The following RAB2A variants were observed in gnomAD, a reference collection of about 807,000 sequenced individuals.
The protein encoded by RAB2A is ras-related protein Rab-2A.
In RAB2A, 7 loss-of-function variants were observed where a neutral mutation model predicts 32.5. The observed-to-expected ratio is 0.22, with a 90% CI of 0.12 to 0.40. The LOEUF is 0.40. Ranked by LOEUF, RAB2A falls within the 10% of genes least tolerant of loss-of-function variation. The pLI is 1.00. For missense variants in RAB2A, 108 were observed against 260.7 expected, an observed-to-expected ratio of 0.41 and a Z score of 4.03; for synonymous variants, 79 against 85.2, an observed-to-expected ratio of 0.93 and a Z score of 0.40.
At chr8:60,529,602 C>A (rs1045209557) in intron 1 of RAB2A, among the ~76,000 whole-genome samples, 1 of 152,082 alleles carries the variant, frequency 6.6e-6, no homozygotes, top group Non-Finnish European at 1.5e-5. Flanking sequence ...ATATTTGGTT[C>A]ATACTTGCTT....
intron 2 of RAB2A, among the ~76,000 whole-genome samples, chr8:60,571,146 A>G (rs1808192005): frequency 6.6e-6 from 1 of 152,216 alleles, no homozygotes; most frequent in Non-Finnish European, 1.5e-5. Context: ...AAGATGATAA[A>G]TACAAGTTAA....
intron 1 of RAB2A, among the ~76,000 whole-genome samples, chr8:60,537,362 G>C (rs1390873877): frequency 6.6e-6 from 1 of 152,064 alleles, no homozygotes; most frequent in Non-Finnish European, 1.5e-5. Context: ...GCTGGGATTA[G>C]AGGCATGTGC....
At chr8:60,533,791 C>T (rs758919076) in intron 1 of RAB2A, among the ~76,000 whole-genome samples, 3 of 151,984 alleles carry the variant, frequency 2.0e-5, no homozygotes, top group Non-Finnish European at 4.4e-5. Context: ...GCCAACATGG[C>T]GAAATTCCAT....
chr8:60,595,306 A>G (rs1804004802), intron 6 of RAB2A, among the ~76,000 whole-genome samples: 2 of 152,228 alleles, frequency 1.3e-5, no homozygotes, highest in Non-Finnish European at 1.5e-5. Flanking sequence ...CCACAATATT[A>G]TAAGCCATGG....
intron 3 of RAB2A, among the ~76,000 whole-genome samples, chr8:60,581,135 C>A (rs182205246): frequency 1.3e-5 from 2 of 152,298 alleles, no homozygotes; most frequent in Admixed American, 1.3e-4. Flanking sequence ...ATAACAGAGA[C>A]GGCTGCAGTT....
At chr8:60,606,518 A>G (rs951059472) in intron 6 of RAB2A, among the ~76,000 whole-genome samples, 1 of 152,212 alleles carries the variant, frequency 6.6e-6, no homozygotes, top group Non-Finnish European at 1.5e-5. Context: ...CCAAGACAAC[A>G]CTTTGAAGTT....
At position 60,517,188 on chromosome 8, in the gene RAB2A, G is replaced by C. The variant is rs768103550; in HGVS notation, c.-20G>C. 31 of 1,487,524 alleles carry C rather than the reference G, an allele frequency of 2.1e-5. No homozygotes were observed. The highest frequency in any genetic ancestry group is 2.6e-5 in the Non-Finnish European group (29 of 1,117,266). The allele number at this position is 1,487,524 out of a possible 1,614,324, so 92.1% of individuals were successfully genotyped here. A position where few individuals can be genotyped will look rare whatever the true frequency, so the allele number is the denominator to read the frequency against. On this transcript the variant is annotated 5_prime_UTR_variant, in exon 1 of 8. Transcript: ENST00000262646. ...AGCGGGAGGAGGAGCCGTGTGCCCTGGCACTGAGCGGCCGCGGCCATGGCG... is the reference window on the plus strand; with the variant it reads ...AGCGGGAGGAGGAGCCGTGTGCCCTCGCACTGAGCGGCCGCGGCCATGGCG...
At chr8:60,557,835 G>A (rs1038455341) in intron 1 of RAB2A, among the ~76,000 whole-genome samples, 4 of 151,932 alleles carry the variant, frequency 2.6e-5, no homozygotes, top group South Asian at 4.2e-4. Context: ...CAAAGTGCTC[G>A]GATTACAGGC....
intron 6 of RAB2A, among the ~76,000 whole-genome samples, chr8:60,603,205 T>G (rs1414509653): frequency 6.6e-6 from 1 of 152,240 alleles, no homozygotes; most frequent in Admixed American, 6.5e-5. Context: ...TTTTTTAGAC[T>G]ATTATTATTT....
At chr8:60,526,556 C>T (rs1807392658) in intron 1 of RAB2A, among the ~76,000 whole-genome samples, 1 of 152,194 alleles carries the variant, frequency 6.6e-6, no homozygotes, top group African/African-American at 2.4e-5. Context: ...ACAAAATCCC[C>T]TTTGCCATGC....
chr8:60,543,200 G>C lies in RAB2A; in HGVS notation c.47-15652G>C, dbSNP rs551783337. ...GGCCACTGTGACAGCTTACGAGCTTGGTGGCTTAAAATCACAGAAAGTTGT... is the reference window on the plus strand; with the variant it reads ...GGCCACTGTGACAGCTTACGAGCTTCGTGGCTTAAAATCACAGAAAGTTGT... On this transcript the variant is annotated intron_variant, in intron 1 of 7. Coordinates refer to ENST00000262646, the MANE Select transcript of RAB2A (RefSeq NM_002865.3). Among the ~76,000 whole-genome samples, 12 of 152,292 alleles carry C rather than the reference G, an allele frequency of 7.9e-5. No homozygotes were observed. The South Asian group carries it at 2.5e-3, about 32-fold the overall frequency.
chr8:60,596,640 C>T (rs988784400), intron 6 of RAB2A, among the ~76,000 whole-genome samples: 2 of 152,022 alleles, frequency 1.3e-5, no homozygotes, highest in East Asian at 1.9e-4. Context: ...AGTGAGGAAA[C>T]GGCCGGGCGC....
intron 6 of RAB2A, among the ~76,000 whole-genome samples, chr8:60,604,511 T>C (rs1278213791): frequency 6.6e-6 from 1 of 152,130 alleles, no homozygotes; most frequent in African/African-American, 2.4e-5. Context: ...ACTGCTTGAA[T>C]TGTGACCAAA....
At chr8:60,526,017 G>GCACATATATATA (rs879271913) in intron 1 of RAB2A, among the ~76,000 whole-genome samples, 1,003 of 73,934 alleles carry the variant, frequency 0.014, 37 homozygotes, top group Non-Finnish European at 0.016. Flanking sequence ...ATGTGTGTGT[G>GCACATATATATA]TACATATATA....
chr8:60,519,711 C>G (rs1357219828), intron 1 of RAB2A, among the ~76,000 whole-genome samples: 1 of 152,122 alleles, frequency 6.6e-6, no homozygotes, highest in Non-Finnish European at 1.5e-5. Flanking sequence ...TTTTGTATGG[C>G]TCTGTATTTC....
At chr8:60,578,121 C>A (rs1803673795) in intron 3 of RAB2A, among the ~76,000 whole-genome samples, 1 of 152,168 alleles carries the variant, frequency 6.6e-6, no homozygotes, top group African/African-American at 2.4e-5. Context: ...AGAAGTATTA[C>A]TGTAATACTG....
chr8:60,590,566 T>TATTTTAC (rs1416887837), intron 5 of RAB2A, among the ~76,000 whole-genome samples: 1 of 142,816 alleles, frequency 7.0e-6, no homozygotes, highest in Non-Finnish European at 1.5e-5. Context: ...GTAAAATACA[T>TATTTTAC]ATATTTTAAT....
intron 1 of RAB2A, chr8:60,552,815 A>G (rs1025002376): frequency 6.6e-6 from 1 of 152,234 alleles, no homozygotes; most frequent in East Asian, 1.9e-4. Context: ...CTCTCTTATC[A>G]GTCAACAATT....
At chr8:60,565,974 A>G (rs1175687878) in intron 2 of RAB2A, among the ~76,000 whole-genome samples, 2 of 152,014 alleles carry the variant, frequency 1.3e-5, no homozygotes, top group Non-Finnish European at 2.9e-5. Context: ...CGGCCTCCCA[A>G]AGTGCTGGGA....
Sources: gnomAD v4.1 joint callset for allele counts (sites outside exome capture counted in the v4.1 genomes callset) on GRCh38, gnomAD v4.1.1 for gene constraint, MANE v1.5 for transcripts, NCBI Gene and HGNC (gene_info 2026-07-23, HGNC 2026-07-21) for gene names.